Variants in JAKMIP1 observed in about 807,000 individuals in gnomAD.
JAKMIP1 encodes the protein janus kinase and microtubule interacting protein 1.
Under a neutral mutation model 113.0 loss-of-function variants are expected in JAKMIP1, and 33 were observed. The observed-to-expected ratio is 0.29, with a 90% CI of 0.22 to 0.39. JAKMIP1 has a LOEUF of 0.39. JAKMIP1 is among the 10% of genes least tolerant of loss of function. The pLI is 1.00. For synonymous variants in JAKMIP1, 480 were observed against 459.9 expected (o/e 1.04, Z -0.56); for missense variants, 813 against 1,080.5 (o/e 0.75, Z 3.47).
chr4:6,070,062 T>G (rs1578147961), intron 8 of JAKMIP1: 1 of 398,606 alleles, frequency 2.5e-6, no homozygotes, highest in African/African-American at 2.1e-5. Flanking sequence ...CCTACCTTCA[T>G]GCTTATAGGT....
In JAKMIP1 at chr4:6,194,905, C is replaced by T. The variant is rs770970960; in HGVS notation, c.-148+5348G>A. ...GCCCTGGAAAGGATAAAGGGGCCAC[C>T]TCAGACCACACAGAGGGGAACAGGC... is the stretch of plus-strand genomic sequence containing the variant. On this transcript the variant is annotated intron_variant, in intron 1 of 20. Transcript: ENST00000409021. The surrounding 1 kb of genome is among the most constrained non-coding windows in gnomAD (Gnocchi z 7.4). 1.4e-4 allele frequency among the ~76,000 whole-genome samples: 22 copies of T among 152,096 alleles called. No individual in the cohort carries two copies. Among genetic ancestry groups the T allele is most frequent in the Non-Finnish European group, 2.5e-4 (17 of 68,036 alleles).
rs1194634800 is a variant in JAKMIP1 at position 6,157,969 on chromosome 4, C to T, written c.-148+42284G>A. Among the ~76,000 whole-genome samples, 1 of 152,182 alleles carries T rather than the reference C, an allele frequency of 6.6e-6. No individual in the cohort carries two copies. Among genetic ancestry groups the T allele is most frequent in the Non-Finnish European group, 1.5e-5 (1 of 68,034 alleles). ...CTTTCTTTCTATGGATCACTTCATT[C>T]TCCCAAAGAACACAGCTTCTACAAC... On this transcript the variant is annotated intron_variant, in intron 1 of 20. Coordinates refer to ENST00000409021, the MANE Select transcript of JAKMIP1 (RefSeq NM_001099433.2). This position sits in a 1 kb window ranked among gnomAD's most constrained non-coding sequence, Gnocchi z 4.7.
intron 1 of JAKMIP1, among the ~76,000 whole-genome samples, chr4:6,117,495 A>G (rs7657297): frequency 0.68 from 103,420 of 151,676 alleles, 36,249 homozygotes; most frequent in East Asian, 0.98. Context: ...GAGACAGGGC[A>G]AGATCACAGG....
chr4:6,108,969 G>T lies in JAKMIP1; in HGVS notation c.130-3002C>A, dbSNP rs895833335. Among the ~76,000 whole-genome samples the T allele has an allele frequency of 1.3e-5, 2 of 152,182 alleles. No individual in the cohort carries two copies. Among genetic ancestry groups the T allele is most frequent in the Non-Finnish European group, 2.9e-5 (2 of 68,026 alleles). On this transcript the variant is annotated intron_variant, in intron 2 of 20. Transcript: ENST00000409021. The surrounding 1 kb of genome is among the most constrained non-coding windows in gnomAD (Gnocchi z 5.6). Reference sequence around the variant, plus strand: ...ATTCCTTGTTCTGGCAGCTGAGAGGGCCTAGAAACAATGACACCGCAGCAG... The same window carrying T: ...ATTCCTTGTTCTGGCAGCTGAGAGGTCCTAGAAACAATGACACCGCAGCAG...
intron 3 of JAKMIP1, among the ~76,000 whole-genome samples, chr4:6,087,215 G>A (rs1721428125): frequency 6.6e-6 from 1 of 152,124 alleles, no homozygotes; most frequent in African/African-American, 2.4e-5. Flanking sequence ...TTGGGGTGAA[G>A]GGCCCTCTTC....
chr4:6,098,463 G>C (rs529177514), intron 3 of JAKMIP1, among the ~76,000 whole-genome samples: 1 of 149,310 alleles, frequency 6.7e-6, no homozygotes, highest in South Asian at 2.1e-4. Flanking sequence ...GAGGGAGGAA[G>C]GGCAGGAGGG....
Position 6,081,575 on chromosome 4 carries a change from T to C in JAKMIP1, c.1101+34A>G. 6.2e-7 allele frequency: 1 copy of C among 1,611,830 alleles called. No individual in the cohort carries two copies. Among genetic ancestry groups the C allele is most frequent in the South Asian group, 1.1e-5 (1 of 90,700 alleles). Reference sequence around the variant, plus strand: ...GAAGAATCCCAGACAGAGAAGGGAGTGTCAGGGCTGTCCCCAAGGGGTCCA... The same window carrying C: ...GAAGAATCCCAGACAGAGAAGGGAGCGTCAGGGCTGTCCCCAAGGGGTCCA... On this transcript the variant is annotated intron_variant, in intron 6 of 20. Transcript: ENST00000409021. This position sits in a 1 kb window ranked among gnomAD's most constrained non-coding sequence, Gnocchi z 4.6.
chr4:6,134,362 T>A (rs1241185251), intron 1 of JAKMIP1, among the ~76,000 whole-genome samples: 1 of 152,222 alleles, frequency 6.6e-6, no homozygotes, highest in Admixed American at 6.5e-5. Context: ...AACAGACTAA[T>A]ATACAGACCT....
Position 6,049,926 on chromosome 4 carries a change from C to T in JAKMIP1, c.1909-54G>A. On this transcript the variant is annotated intron_variant, in intron 14 of 20. Transcript: ENST00000409021. The surrounding 1 kb of genome is among the most constrained non-coding windows in gnomAD (Gnocchi z 7.0). ...GTGTGAGCTACAGAGACCAACCATA[C>T]CAATTTCTAGGGCCACGGCCTTTCC... is the stretch of plus-strand genomic sequence containing the variant. 1 of 1,319,520 alleles carries T rather than the reference C, an allele frequency of 7.6e-7. No individual in the cohort carries two copies. The highest frequency in any genetic ancestry group is 1.4e-5 in the African/African-American group (1 of 69,132). 81.7% of individuals were successfully genotyped at this position (1,319,520 alleles called of 1,614,324 possible).
intron 1 of JAKMIP1, among the ~76,000 whole-genome samples, chr4:6,134,128 G>A (rs1718905169): frequency 6.6e-6 from 1 of 152,220 alleles, no homozygotes; most frequent in African/African-American, 2.4e-5. Flanking sequence ...TCTCATGATA[G>A]TGAATGAGTT....
rs545000324 is a variant in JAKMIP1, at chr4:6,192,858, C to T, written c.-148+7395G>A. On this transcript the variant is annotated intron_variant, in intron 1 of 20. Transcript: ENST00000409021. The surrounding 1 kb of genome is among the most constrained non-coding windows in gnomAD (Gnocchi z 5.0). ...GCCGCTATCTGGGACAGTCAAAGACCTCCCCAAGGAGGAGAAATTTAGGCT... is the reference window on the plus strand; with the variant it reads ...GCCGCTATCTGGGACAGTCAAAGACTTCCCCAAGGAGGAGAAATTTAGGCT... Among the ~76,000 whole-genome samples the T allele has an allele frequency of 6.6e-6, 1 of 152,240 alleles. No individual in the cohort carries two copies. The highest frequency in any genetic ancestry group is 1.9e-4 in the East Asian group (1 of 5,172).
In JAKMIP1 at chr4:6,140,153, C is replaced by T. The variant is rs1374705678; in HGVS notation, c.-147-27156G>A. On this transcript the variant is annotated intron_variant, in intron 1 of 20. Coordinates refer to ENST00000409021, the MANE Select transcript of JAKMIP1 (RefSeq NM_001099433.2). This position sits in a 1 kb window ranked among gnomAD's most constrained non-coding sequence, Gnocchi z 9.4. ...CAGTTTTTTGGAGACCAATTTCATA[C>T]ACACAGGGGAGAAAGGCTGACAGCG... Among the ~76,000 whole-genome samples the T allele has an allele frequency of 6.6e-6, 1 of 152,120 alleles. No individual in the cohort carries two copies. Among genetic ancestry groups the T allele is most frequent in the Non-Finnish European group, 1.5e-5 (1 of 68,032 alleles).
At chr4:6,171,596 C>CG (rs908699643) in intron 1 of JAKMIP1, among the ~76,000 whole-genome samples, 4 of 152,204 alleles carry the variant, frequency 2.6e-5, no homozygotes, top group Admixed American at 6.5e-5. Context: ...TCGATCCCCC[C>CG]CCAAGTATGT....
chr4:6,147,106 C>T (rs1471183366), intron 1 of JAKMIP1, among the ~76,000 whole-genome samples: 1 of 151,922 alleles, frequency 6.6e-6, no homozygotes. Flanking sequence ...ATTACAGGAG[C>T]CAACCACTAT....
intron 1 of JAKMIP1, among the ~76,000 whole-genome samples, chr4:6,114,417 G>T (rs555786160): frequency 6.6e-6 from 1 of 152,196 alleles, no homozygotes; most frequent in African/African-American, 2.4e-5. Flanking sequence ...CTATGGACAG[G>T]AGATGCAGAA....
Position 6,050,932 on chromosome 4 carries a change from G to C in JAKMIP1, c.1807-253C>G, listed in dbSNP as rs1715585086. On this transcript the variant is annotated intron_variant, in intron 13 of 20. Coordinates refer to ENST00000409021, the MANE Select transcript of JAKMIP1 (RefSeq NM_001099433.2). This position sits in a 1 kb window ranked among gnomAD's most constrained non-coding sequence, Gnocchi z 7.4. ...GAGAAATGGTTAACAGGGTACCGTG[G>C]CTTTATCCATTGTGAGATCAAAACC... 6.6e-6 allele frequency among the ~76,000 whole-genome samples: 1 copy of C among 152,134 alleles called. No homozygotes were observed. Among genetic ancestry groups the C allele is most frequent in the Non-Finnish European group, 1.5e-5 (1 of 68,020 alleles).
chr4:6,195,270 A>T (rs1013419771), intron 1 of JAKMIP1, among the ~76,000 whole-genome samples: 5 of 152,248 alleles, frequency 3.3e-5, no homozygotes, highest in African/African-American at 1.2e-4. Flanking sequence ...AGCACATGGC[A>T]TCAGTGAAGA....
Position 6,156,571 on chromosome 4 carries a change from C to T in JAKMIP1, c.-147-43574G>A, listed in dbSNP as rs543363414. ...GCGTTCGGCTTCAGCCCCCAGTCAT[C>T]CTGGTGACCCAGGGCTTAGCTACTG... On this transcript the variant is annotated intron_variant, in intron 1 of 20. Transcript: ENST00000409021. The surrounding 1 kb of genome is among the most constrained non-coding windows in gnomAD (Gnocchi z 5.0). Among the ~76,000 whole-genome samples the T allele has an allele frequency of 3.3e-5, 5 of 152,324 alleles. No homozygotes were observed. Among genetic ancestry groups the T allele is most frequent in the African/African-American group, 1.2e-4 (5 of 41,576 alleles).
Position 6,105,500 on chromosome 4 carries a change from G to C in JAKMIP1, c.597C>G (p.Arg199=). ...AHQDEVHRIK[R]ECERDIRRLM... ...GCCTGCGGATGTCGCGCTCGCACTCGCGCTTGATGCGGTGCACCTCGTCTT... is the reference window on the plus strand; with the variant it reads ...GCCTGCGGATGTCGCGCTCGCACTCCCGCTTGATGCGGTGCACCTCGTCTT... Residue 199 remains arginine, a synonymous_variant, in exon 3 of 21, where the codon CGC becomes CGG. Transcript: ENST00000409021. 2 of 1,607,144 alleles carry C rather than the reference G, an allele frequency of 1.2e-6. No homozygotes were observed. Among genetic ancestry groups the C allele is most frequent in the Admixed American group, 1.7e-5 (1 of 59,768 alleles).
Sources: gnomAD v4.1 joint callset for allele counts (sites outside exome capture counted in the v4.1 genomes callset) on GRCh38, gnomAD v4.1.1 for gene constraint, Gnocchi (gnomAD v3.1) non-coding constraint, MANE v1.5 for transcripts, NCBI Gene and HGNC (gene_info 2026-07-23, HGNC 2026-07-21) for gene names.